Variants in CLHC1 observed in about 807,000 individuals in gnomAD.
CLHC1 encodes the protein clathrin heavy chain linker domain containing 1, also known as clathrin heavy chain linker domain-containing protein 1.
CLHC1 carries 72 observed loss-of-function variants against 69.5 expected under a neutral mutation model. The observed-to-expected ratio is 1.04, with a 90% CI of 0.86 to 1.26. CLHC1 has a LOEUF of 1.26. CLHC1 is among the 50% of genes most tolerant of loss of function. The pLI is 0.00. For missense variants in CLHC1, 790 were observed against 679.3 expected (o/e 1.16, Z -1.81); for synonymous variants, 223 against 224.3 (o/e 0.99, Z 0.05).
intron 9 of CLHC1, among the ~76,000 whole-genome samples, chr2:55,185,900 T>C (rs1213871078): frequency 6.6e-5 from 10 of 152,226 alleles, no homozygotes; most frequent in African/African-American, 2.4e-4. Context: ...CTTTGAGCTT[T>C]AATATGTCTT....
intron 9 of CLHC1, among the ~76,000 whole-genome samples, chr2:55,190,388 G>T (rs931402932): frequency 1.3e-5 from 2 of 151,738 alleles, no homozygotes; most frequent in African/African-American, 4.8e-5. Context: ...AATTTAACTT[G>T]CAAAAAAGCA....
intron 9 of CLHC1, among the ~76,000 whole-genome samples, chr2:55,191,875 A>T (rs1287445519): frequency 6.6e-6 from 1 of 152,058 alleles, no homozygotes; most frequent in Non-Finnish European, 1.5e-5. Context: ...GGTGGTGCAC[A>T]CCTGCACTCC....
chr2:55,187,040 G>A (rs1452495593), intron 9 of CLHC1, among the ~76,000 whole-genome samples: 1 of 151,680 alleles, frequency 6.6e-6, no homozygotes, highest in South Asian at 2.1e-4. Flanking sequence ...GCTGCAACAG[G>A]TGGATCACCT....
chr2:55,189,317 G>A (rs758783740), intron 9 of CLHC1, among the ~76,000 whole-genome samples: 1 of 152,090 alleles, frequency 6.6e-6, no homozygotes, highest in Non-Finnish European at 1.5e-5. Context: ...ATAGGCTTAA[G>A]ACCAAATATA....
chr2:55,211,562 G>C lies in CLHC1; in HGVS notation c.499+1111C>G, dbSNP rs144127387. ...TCCCTACTTTTATGAAACACAAGAT[G>C]ATTATTCAACCTCATTTGAAATCCT... is the stretch of plus-strand genomic sequence containing the variant. On this transcript the variant is annotated intron_variant, in intron 5 of 12. Transcript: ENST00000401408. Among the ~76,000 whole-genome samples the C allele has an allele frequency of 1.7e-3, 253 of 147,770 alleles. 3 individuals are homozygous for C. The Middle Eastern group carries it at 0.018, about 11-fold the overall frequency.
chr2:55,222,200 A>G (rs1674193604), intron 3 of CLHC1, 35 bp downstream of exon 3: 1 of 1,491,872 alleles, frequency 6.7e-7, no homozygotes, highest in Admixed American at 1.7e-5. Flanking sequence ...TGCTATCCTC[A>G]TGAAAACTTA....
intron 2 of CLHC1, among the ~76,000 whole-genome samples, chr2:55,226,339 G>A (rs13002072): frequency 6.6e-6 from 1 of 151,990 alleles, no homozygotes; most frequent in Non-Finnish European, 1.5e-5. Context: ...AGGCAACATC[G>A]TAACTTTTTC....
intron 12 of CLHC1, 98 bp from the exon 13 acceptor site, chr2:55,176,084 G>C: frequency 1.0e-6 from 1 of 989,876 alleles, no homozygotes; most frequent in South Asian, 1.6e-5. Flanking sequence ...TTTCAACTCA[G>C]TTACTGTTAA....
chr2:55,229,164 AAAAAAG>A (rs1210313268), intron 1 of CLHC1, among the ~76,000 whole-genome samples: 4 of 149,892 alleles, frequency 2.7e-5, no homozygotes, highest in Non-Finnish European at 5.9e-5. Flanking sequence ...AAAAAAAAAA[AAAAAAG>A]AAAGAAAAAA....
At chr2:55,222,635 T>C in intron 2 of CLHC1, 142 bp from the exon 3 acceptor site, 1 of 379,330 alleles carries the variant, frequency 2.6e-6, no homozygotes, top group Admixed American at 4.4e-5. Context: ...AAAAGGTCTA[T>C]GCTGCCAAGC....
chr2:55,183,781 T>C (rs1451323598), intron 9 of CLHC1, among the ~76,000 whole-genome samples: 1 of 152,120 alleles, frequency 6.6e-6, no homozygotes, highest in East Asian at 1.9e-4. Context: ...CTAGTTTTCT[T>C]TTCTTTATTT....
At chr2:55,179,506 A>G (rs774016434) in intron 11 of CLHC1, among the ~76,000 whole-genome samples, 1 of 152,226 alleles carries the variant, frequency 6.6e-6, no homozygotes, top group African/African-American at 2.4e-5. Context: ...AATTGCTTGA[A>G]AATGACCAGA....
chr2:55,229,068 T>C (rs1396452639), intron 1 of CLHC1, among the ~76,000 whole-genome samples: 4 of 148,538 alleles, frequency 2.7e-5, no homozygotes, highest in Admixed American at 2.1e-4. Flanking sequence ...TGAGAATCAT[T>C]TGGACCAGAG....
chr2:55,212,790 T>C lies in CLHC1; in HGVS notation c.382A>G (p.Ser128Gly), dbSNP rs762832236. The change falls in exon 5 of 13, where the codon AGT becomes GGT. Residue 128 changes from serine (S) to glycine (G), a missense_variant. Coordinates refer to ENST00000401408, the MANE Select transcript of CLHC1 (RefSeq NM_152385.4). ...TGAGATTGAATCTTCGAGGAATTACTTTCGATAATCCTCATTCTGGAAAAC... is the reference window on the plus strand; with the variant it reads ...TGAGATTGAATCTTCGAGGAATTACCTTCGATAATCCTCATTCTGGAAAAC... ...QLEAKMRIIE[S>G]NSSKIQSQID... 1.9e-6 allele frequency: 3 copies of C among 1,603,260 alleles called. No homozygotes were observed. The East Asian group carries it at 6.7e-5, about 36-fold the overall frequency.
At chr2:55,185,905 T>A (rs1456824210) in intron 9 of CLHC1, among the ~76,000 whole-genome samples, 1 of 152,230 alleles carries the variant, frequency 6.6e-6, no homozygotes, top group Non-Finnish European at 1.5e-5. Flanking sequence ...AGCTTTAATA[T>A]GTCTTAAAAA....
At chr2:55,183,682 G>A (rs1320701670) in intron 9 of CLHC1, among the ~76,000 whole-genome samples, 1 of 152,226 alleles carries the variant, frequency 6.6e-6, no homozygotes, top group Non-Finnish European at 1.5e-5. Context: ...GTGGCATGGT[G>A]CTAAAAACCC....
At chr2:55,179,126 C>G (rs1669676746) in intron 11 of CLHC1, among the ~76,000 whole-genome samples, 1 of 151,870 alleles carries the variant, frequency 6.6e-6, no homozygotes, top group East Asian at 1.9e-4. Flanking sequence ...TATCCCATGT[C>G]TAAACATTAA....
At chr2:55,191,383 A>T (rs1175054200) in intron 9 of CLHC1, among the ~76,000 whole-genome samples, 6 of 152,078 alleles carry the variant, frequency 3.9e-5, no homozygotes, top group Non-Finnish European at 7.4e-5. Context: ...TTACAGGTGC[A>T]GGCCACCATG....
At chr2:55,208,446 G>A (rs1028341188) in intron 8 of CLHC1, among the ~76,000 whole-genome samples, 180 bp downstream of exon 8, 13 of 152,148 alleles carry the variant, frequency 8.5e-5, no homozygotes, top group Non-Finnish European at 1.8e-4. Flanking sequence ...GGATTTTGGA[G>A]CATTTCAGAT....
Sources: gnomAD v4.1 joint callset for allele counts (sites outside exome capture counted in the v4.1 genomes callset) on GRCh38, gnomAD v4.1.1 for gene constraint, MANE v1.5 for transcripts, NCBI Gene and HGNC (gene_info 2026-07-23, HGNC 2026-07-21) for gene names.